PLEKHA7: variants seen among roughly 807,000 people sequenced by gnomAD.
PLEKHA7 encodes the protein pleckstrin homology domain containing A7, also known as pleckstrin homology domain-containing family A member 7.
Under a neutral mutation model 170.0 loss-of-function variants are expected in PLEKHA7, and 104 were observed. The observed-to-expected ratio is 0.61, with a 90% CI of 0.52 to 0.72. The LOEUF (loss-of-function observed/expected upper bound fraction) is 0.72, where lower values mean the gene tolerates loss of function less well. PLEKHA7 is among the 30% of genes least tolerant of loss of function. The probability of loss-of-function intolerance (pLI) is 0.00; values close to 1 mark genes in which losing one functional copy is unlikely to be tolerated. For synonymous variants in PLEKHA7, 648 were observed against 660.8 expected, an observed-to-expected ratio of 0.98 and a Z score of 0.30; for missense variants, 1,615 against 1,671.7, an observed-to-expected ratio of 0.97 and a Z score of 0.59.
chr11:16,906,342 CTCTTTCCACGGT>C (rs1857700288), intron 3 of PLEKHA7, among the ~76,000 whole-genome samples: 13 of 140,646 alleles, frequency 9.2e-5, no homozygotes, highest in South Asian at 2.4e-4. Flanking sequence ...CCCTCTCCCT[CTCTTTCCACGGT>C]CTCCCCCTGA....
intron 13 of PLEKHA7, among the ~76,000 whole-genome samples, chr11:16,810,126 G>A (rs897219505): frequency 6.6e-6 from 1 of 152,232 alleles, no homozygotes; most frequent in African/African-American, 2.4e-5. Flanking sequence ...TGAGCCCCGG[G>A]AATGGGGCCC....
Position 16,855,918 on chromosome 11 carries a change from T to A in PLEKHA7, c.306-4A>T. The A allele has an allele frequency of 6.2e-7, 1 of 1,609,548 alleles. No homozygotes were observed. Among genetic ancestry groups the A allele is most frequent in the Non-Finnish European group, 8.5e-7 (1 of 1,175,970 alleles). ...CTTCGACATATGTGGATTCGGCCTG[T>A]GAGGAGACAGGGGATTCCAGTGAGT... On this transcript the variant is annotated splice_polypyrimidine_tract_variant and splice_region_variant and intron_variant, in intron 4 of 26. Coordinates refer to ENST00000531066, the MANE Select transcript of PLEKHA7 (RefSeq NM_001329630.2).
At chr11:16,908,742 C>G (rs177551) in intron 3 of PLEKHA7, among the ~76,000 whole-genome samples, 1 of 152,012 alleles carries the variant, frequency 6.6e-6, no homozygotes, top group Non-Finnish European at 1.5e-5. Context: ...GTGATCCACC[C>G]GGCTCAGCCT....
chr11:16,889,400 C>CAAAAAA (rs869268116), intron 3 of PLEKHA7, among the ~76,000 whole-genome samples: 672 of 52,520 alleles, frequency 0.013, 10 homozygotes, highest in Non-Finnish European at 0.022. Context: ...CTTTATTGCT[C>CAAAAAA]AAAAAAAAAA....
At chr11:16,803,965 C>T (rs1031448495) in intron 13 of PLEKHA7, among the ~76,000 whole-genome samples, 2 of 152,204 alleles carry the variant, frequency 1.3e-5, no homozygotes, top group African/African-American at 2.4e-5. Context: ...AAGCAATATA[C>T]AAAAGTCACC....
chr11:17,008,045 C>T (rs1434612909), intron 3 of PLEKHA7, among the ~76,000 whole-genome samples: 1 of 152,268 alleles, frequency 6.6e-6, no homozygotes, highest in Non-Finnish European at 1.5e-5. Flanking sequence ...CAGTCCTGCC[C>T]CTAGGACCTG....
chr11:16,952,672 C>T (rs1486923364), intron 3 of PLEKHA7, among the ~76,000 whole-genome samples: 1 of 152,090 alleles, frequency 6.6e-6, no homozygotes, highest in East Asian at 1.9e-4. Context: ...GGGGTTTTTG[C>T]ATATTTTAGA....
intron 3 of PLEKHA7, among the ~76,000 whole-genome samples, chr11:16,920,110 G>A (rs1026438856): frequency 2.6e-5 from 4 of 152,218 alleles, no homozygotes; most frequent in Non-Finnish European, 5.9e-5. Flanking sequence ...GGGATTAAAT[G>A]TGAGTAACTT....
At chr11:16,931,410 G>A (rs1006953016) in intron 3 of PLEKHA7, among the ~76,000 whole-genome samples, 8 of 152,060 alleles carry the variant, frequency 5.3e-5, no homozygotes, top group Non-Finnish European at 1.2e-4. Context: ...GTCACCTAAG[G>A]AGGCTTGAAT....
At chr11:17,000,612 C>T (rs575964847) in intron 3 of PLEKHA7, among the ~76,000 whole-genome samples, 11 of 152,216 alleles carry the variant, frequency 7.2e-5, no homozygotes, top group Non-Finnish European at 1.6e-4. Flanking sequence ...AACCAGGCCA[C>T]ATTTCACCTT....
Position 16,803,033 on chromosome 11 carries a change from C to G in PLEKHA7, c.2096G>C (p.Cys699Ser), listed in dbSNP as rs369290017. The change falls in exon 15 of 27, where the codon TGT becomes TCT. Residue 699 changes from cysteine to serine, a missense_variant. Cys to Ser is a moderately radical substitution (Grantham distance 112). Transcript: ENST00000531066. Reference sequence around the variant, plus strand: ...GTCCTGGAGGACCCTGTCTTGTTCACAGAAGATGCTCAGTTTGACCTAAAA... The same window carrying G: ...GTCCTGGAGGACCCTGTCTTGTTCAGAGAAGATGCTCAGTTTGACCTAAAA... ...SDTDVKLSIF[C>S]EQDRVLQDLE... 14 of 1,614,056 alleles carry G rather than the reference C, an allele frequency of 8.7e-6. No homozygotes were observed. Among genetic ancestry groups the G allele is most frequent in the Admixed American group, 1.7e-5 (1 of 60,010 alleles).
chr11:16,927,774 G>GA (rs1357342025), intron 3 of PLEKHA7, among the ~76,000 whole-genome samples: 1 of 152,202 alleles, frequency 6.6e-6, no homozygotes, highest in African/African-American at 2.4e-5. Context: ...CATTGTGGAT[G>GA]AGCACAAAGA....
At chr11:16,832,822 A>G (rs1851220998) in intron 9 of PLEKHA7, among the ~76,000 whole-genome samples, 1 of 152,168 alleles carries the variant, frequency 6.6e-6, no homozygotes, top group Admixed American at 6.5e-5. Context: ...GTTGGATCTG[A>G]GCCAGGCCAG....
intron 3 of PLEKHA7, among the ~76,000 whole-genome samples, chr11:16,930,042 TG>T (rs1287535132): frequency 6.6e-6 from 1 of 151,982 alleles, no homozygotes; most frequent in Non-Finnish European, 1.5e-5. Flanking sequence ...AAGTATGTGC[TG>T]GGATATTTTG....
chr11:16,886,174 AG>A (rs1357658584), intron 3 of PLEKHA7, among the ~76,000 whole-genome samples: 1 of 152,176 alleles, frequency 6.6e-6, no homozygotes, highest in Non-Finnish European at 1.5e-5. Flanking sequence ...GGCCACTGGC[AG>A]TAGGCAGAGA....
chr11:16,957,705 T>C (rs909617839), intron 3 of PLEKHA7, among the ~76,000 whole-genome samples: 10 of 136,874 alleles, frequency 7.3e-5, no homozygotes, highest in Admixed American at 1.4e-4. Context: ...TTCTTTTTTT[T>C]TTTTTTTTTT....
rs561752498 is a variant in PLEKHA7 at position 16,813,179 on chromosome 11, C to T, written c.1954-13G>A. On this transcript the variant is annotated splice_polypyrimidine_tract_variant and intron_variant, in intron 12 of 26. Coordinates refer to ENST00000531066, the MANE Select transcript of PLEKHA7 (RefSeq NM_001329630.2). ...AGGTATCATCAGCCTTCAAATGAAG[C>T]AGAGAGGAAAAAACACAGTTATGAA... 2 of 1,611,836 alleles carry T rather than the reference C, an allele frequency of 1.2e-6. No homozygotes were observed. Among genetic ancestry groups the T allele is most frequent in the African/African-American group, 2.7e-5 (2 of 75,000 alleles).
At chr11:16,803,823 C>G (rs1023406934) in intron 13 of PLEKHA7, among the ~76,000 whole-genome samples, 3 of 152,218 alleles carry the variant, frequency 2.0e-5, no homozygotes, top group Non-Finnish European at 4.4e-5. Flanking sequence ...CTTCCTTACC[C>G]TTTACCATTT....
intron 3 of PLEKHA7, among the ~76,000 whole-genome samples, chr11:16,925,670 G>A (rs1237146769): frequency 6.6e-6 from 1 of 152,174 alleles, no homozygotes; most frequent in Admixed American, 6.5e-5. Context: ...GGAGCGCGCC[G>A]GGGCCTCAGC....
Sources: allele counts gnomAD v4.1 joint callset (sites outside exome capture counted in the v4.1 genomes callset), GRCh38; gene constraint gnomAD v4.1.1; transcripts MANE v1.5; gene names NCBI Gene and HGNC (gene_info 2026-07-23, HGNC 2026-07-21).